Variants in ANKRD31 observed in about 807,000 individuals in gnomAD.
ANKRD31 encodes the protein ankyrin repeat domain 31.
Under a neutral mutation model 186.0 loss-of-function variants are expected in ANKRD31, and 147 were observed. The observed-to-expected ratio is 0.79, with a 90% CI of 0.69 to 0.91. ANKRD31 has a LOEUF of 0.91. Among genes scored for constraint, ANKRD31 ranks in the 40% least tolerant of loss-of-function variants. ANKRD31 has a pLI of 0.00. For synonymous variants in ANKRD31, 673 were observed against 736.4 expected (o/e 0.91, Z 1.39); for missense variants, 1,986 against 2,148.8 (o/e 0.92, Z 1.50).
rs186187767 is a variant in ANKRD31, at chr5:75,141,287, C to T, written c.3596-2304G>A. Among the ~76,000 whole-genome samples, 491 of 152,144 alleles carry T rather than the reference C, an allele frequency of 3.2e-3. 3 individuals are homozygous for T. Among genetic ancestry groups the T allele is most frequent in the African/African-American group, 0.012 (478 of 41,494 alleles). On this transcript the variant is annotated intron_variant, in intron 15 of 25. Coordinates refer to ENST00000506364, the MANE Select transcript of ANKRD31 (RefSeq NM_001372053.1). ...GGCACCCAGACAAAAACATATTGCT[C>T]TTTAGAGATTAGCAATCCAAAATTC...
chr5:75,190,084 A>G (rs1202284572), intron 9 of ANKRD31, among the ~76,000 whole-genome samples: 2 of 151,962 alleles, frequency 1.3e-5, no homozygotes, highest in Non-Finnish European at 2.9e-5. Flanking sequence ...CAGTGGTGCA[A>G]TCACGGCTCA....
At chr5:75,174,320 C>G (rs924038567) in intron 10 of ANKRD31, among the ~76,000 whole-genome samples, 2 of 152,096 alleles carry the variant, frequency 1.3e-5, no homozygotes, top group Non-Finnish European at 2.9e-5. Context: ...TAGGCATTGG[C>G]AAAACTTCAT....
At position 75,218,316 on chromosome 5, in the gene ANKRD31, C is replaced by T. The variant is rs113726416; in HGVS notation, c.288+3933G>A. On this transcript the variant is annotated intron_variant, in intron 3 of 25. Coordinates refer to ENST00000506364, the MANE Select transcript of ANKRD31 (RefSeq NM_001372053.1). ...CAGCCATCAGAGACAACTATCAACA[C>T]CTCTATGCACATAAATCTAAAATTC... is the stretch of plus-strand genomic sequence containing the variant. Among the ~76,000 whole-genome samples the T allele has an allele frequency of 2.6e-3, 399 of 152,226 alleles. 2 individuals are homozygous for T. Among genetic ancestry groups the T allele is most frequent in the African/African-American group, 8.4e-3 (351 of 41,544 alleles).
At chr5:75,133,868 A>T (rs4053407) in intron 17 of ANKRD31, among the ~76,000 whole-genome samples, 6 of 152,204 alleles carry the variant, frequency 3.9e-5, no homozygotes, top group Admixed American at 1.3e-4. Context: ...AACTCACTCA[A>T]AACCGCTCAA....
chr5:75,095,364 C>T (rs987156089), intron 22 of ANKRD31, among the ~76,000 whole-genome samples: 1 of 151,944 alleles, frequency 6.6e-6, no homozygotes, highest in Non-Finnish European at 1.5e-5. Context: ...GTCCCAGCTA[C>T]TCAGGAGGCT....
chr5:75,081,944 G>A (rs1332440061), intron 24 of ANKRD31, among the ~76,000 whole-genome samples: 1 of 152,058 alleles, frequency 6.6e-6, no homozygotes, highest in Non-Finnish European at 1.5e-5. Context: ...CAGGTTACTG[G>A]GCCTTACCCC....
At chr5:75,174,040 C>A (rs900352798) in intron 10 of ANKRD31, among the ~76,000 whole-genome samples, 4 of 151,924 alleles carry the variant, frequency 2.6e-5, no homozygotes, top group African/African-American at 9.7e-5. Context: ...TATATAGACC[C>A]ACAGAACAGA....
At chr5:75,206,385 T>C (rs1214458340) in intron 5 of ANKRD31, 26 bp downstream of exon 5, 20 of 1,370,944 alleles carry the variant, frequency 1.5e-5, no homozygotes, top group Non-Finnish European at 1.9e-5. Flanking sequence ...TAATTTCCTT[T>C]ATATGACTCT....
chr5:75,111,867 T>C (rs902895627), intron 20 of ANKRD31, among the ~76,000 whole-genome samples: 1 of 152,200 alleles, frequency 6.6e-6, no homozygotes, highest in Non-Finnish European at 1.5e-5. Flanking sequence ...CTTCTGAAAG[T>C]AGGAGGATTT....
chr5:75,159,149 T>A (rs1255892070), intron 11 of ANKRD31, among the ~76,000 whole-genome samples: 1 of 151,836 alleles, frequency 6.6e-6, no homozygotes, highest in African/African-American at 2.4e-5. Context: ...ATCACTGAAT[T>A]TGGAGAGACA....
intron 1 of ANKRD31, among the ~76,000 whole-genome samples, chr5:75,231,284 G>T (rs1580605607): frequency 6.7e-6 from 1 of 150,292 alleles, no homozygotes; most frequent in Non-Finnish European, 1.5e-5. Flanking sequence ...TTATCACTTT[G>T]CCCAGGCTGG....
chr5:75,170,803 C>T (rs1753257340), intron 10 of ANKRD31, among the ~76,000 whole-genome samples: 1 of 151,882 alleles, frequency 6.6e-6, no homozygotes, highest in Admixed American at 6.6e-5. Flanking sequence ...CGTAAATAAG[C>T]AGTAAACATA....
intron 23 of ANKRD31, among the ~76,000 whole-genome samples, chr5:75,091,045 G>T (rs1173901498): frequency 3.9e-5 from 6 of 152,210 alleles, no homozygotes; most frequent in African/African-American, 1.4e-4. Flanking sequence ...CCATGCCCAT[G>T]GGGAATTCTG....
At chr5:75,085,568 A>T (rs953172594) in intron 23 of ANKRD31, among the ~76,000 whole-genome samples, 2 of 151,778 alleles carry the variant, frequency 1.3e-5, no homozygotes, top group African/African-American at 4.8e-5. Context: ...CGCCTGGCTA[A>T]TTTTTGTATT....
chr5:75,172,637 G>A (rs1009269782), intron 10 of ANKRD31, among the ~76,000 whole-genome samples: 4 of 152,136 alleles, frequency 2.6e-5, no homozygotes, highest in Admixed American at 6.5e-5. Flanking sequence ...AGAAAATCTA[G>A]AAGAAATGTA....
Position 75,068,373 on chromosome 5 carries a change from A to T in ANKRD31, c.*146T>A. On this transcript the variant is annotated 3_prime_UTR_variant, in exon 26 of 26. Transcript: ENST00000506364. ...TTATATAATTGTTGAACAGTTACAT[A>T]CATCTTAAGAACAGTAAACATACAT... 1.4e-6 allele frequency: 1 copy of T among 709,940 alleles called. No homozygotes were observed. Among genetic ancestry groups the T allele is most frequent in the East Asian group, 3.2e-5 (1 of 30,792 alleles). 44.0% of individuals were successfully genotyped at this position (709,940 alleles called of 1,614,324 possible).
chr5:75,226,152 T>C (rs1757612470), intron 2 of ANKRD31, among the ~76,000 whole-genome samples: 1 of 152,196 alleles, frequency 6.6e-6, no homozygotes, highest in Admixed American at 6.5e-5. Flanking sequence ...TAGAATAGAA[T>C]ACCACGTAAA....
intron 21 of ANKRD31, among the ~76,000 whole-genome samples, 169 bp downstream of exon 21, chr5:75,107,352 T>A (rs989484850): frequency 1.2e-4 from 19 of 152,032 alleles, no homozygotes; most frequent in African/African-American, 4.6e-4. Context: ...AATACCTTTC[T>A]GGGAAGTATA....
intron 9 of ANKRD31, among the ~76,000 whole-genome samples, chr5:75,189,418 CCCATCCTAAAA>C (rs1241087223): frequency 6.6e-6 from 1 of 152,088 alleles, no homozygotes; most frequent in Non-Finnish European, 1.5e-5. Context: ...GCTATCCTGC[CCCATCCTAAAA>C]CCTTACAAAG....
Sources: allele counts gnomAD v4.1 joint callset (sites outside exome capture counted in the v4.1 genomes callset), GRCh38; gene constraint gnomAD v4.1.1; transcripts MANE v1.5; gene names NCBI Gene and HGNC (gene_info 2026-07-23, HGNC 2026-07-21).